The following PABPC4L variants were observed in gnomAD, a reference collection of about 807,000 sequenced individuals.
PABPC4L encodes the protein poly(A) binding protein cytoplasmic 4 like, also known as polyadenylate-binding protein 4-like.
For synonymous variants in PABPC4L, 169 were observed against 164.1 expected, an observed-to-expected ratio of 1.03 and a Z score of -0.23; for missense variants, 452 against 451.4, an observed-to-expected ratio of 1.00 and a Z score of -0.01.
the PABPC4L span, among the ~76,000 whole-genome samples, chr4:134,140,485 C>T: frequency 5.3e-5 from 8 of 151,692 alleles, no homozygotes; most frequent in Middle Eastern, 3.2e-3. Context: ...GCCTTCATAA[C>T]CATTTATACA....
At chr4:134,003,765 A>T in the PABPC4L span, among the ~76,000 whole-genome samples, 1 of 151,904 alleles carries the variant, frequency 6.6e-6, no homozygotes. Flanking sequence ...TCATGGGAGC[A>T]TCAAGAAATC....
chr4:134,133,475 T>C, the PABPC4L span, among the ~76,000 whole-genome samples: 1 of 147,580 alleles, frequency 6.8e-6, no homozygotes, highest in Non-Finnish European at 1.5e-5. Context: ...ATATTTTATA[T>C]ATACACTGTG....
At chr4:134,162,094 T>C in the PABPC4L span, among the ~76,000 whole-genome samples, 68,783 of 151,564 alleles carry the variant, frequency 0.45, 18,068 homozygotes, top group East Asian at 0.98. Context: ...AAAAATAAAA[T>C]GCAAGGAATT....
the PABPC4L span, among the ~76,000 whole-genome samples, chr4:134,042,450 A>T: frequency 2.2e-3 from 342 of 152,312 alleles, 1 homozygote; most frequent in Middle Eastern, 3.4e-3. Context: ...TTAATTTTTT[A>T]AAAAAGTAAT....
At chr4:134,175,481 C>A in the PABPC4L span, among the ~76,000 whole-genome samples, 2 of 151,666 alleles carry the variant, frequency 1.3e-5, no homozygotes, top group African/African-American at 4.9e-5. Context: ...CAGGGTCTCG[C>A]TCTGTCGCCC....
the PABPC4L span, among the ~76,000 whole-genome samples, chr4:134,187,992 TTA>T: frequency 1.3e-5 from 2 of 152,106 alleles, no homozygotes; most frequent in African/African-American, 4.8e-5. Context: ...CCCTCCTTTT[TTA>T]TGTCTTCCAG....
chr4:133,970,801 C>A, the PABPC4L span, among the ~76,000 whole-genome samples: 2 of 152,106 alleles, frequency 1.3e-5, no homozygotes, highest in African/African-American at 2.4e-5. Context: ...AACTCTCTCA[C>A]CCCTTCTGCT....
the PABPC4L span, among the ~76,000 whole-genome samples, chr4:134,156,995 T>C: frequency 6.6e-6 from 1 of 152,042 alleles, no homozygotes; most frequent in Non-Finnish European, 1.5e-5. Context: ...TTAAAATAAC[T>C]TTAAAAATGA....
the PABPC4L span, among the ~76,000 whole-genome samples, chr4:134,168,865 C>T: frequency 2.0e-5 from 3 of 151,974 alleles, no homozygotes; most frequent in Non-Finnish European, 4.4e-5. Flanking sequence ...CAATCCTACT[C>T]AAAAACTATT....
At chr4:134,116,282 T>G in the PABPC4L span, among the ~76,000 whole-genome samples, 1 of 151,816 alleles carries the variant, frequency 6.6e-6, no homozygotes, top group Non-Finnish European at 1.5e-5. Context: ...TCACATTACA[T>G]GTAAGTAAAT....
At chr4:133,981,282 C>T in the PABPC4L span, among the ~76,000 whole-genome samples, 1 of 152,088 alleles carries the variant, frequency 6.6e-6, no homozygotes, top group South Asian at 2.1e-4. Flanking sequence ...TTTTATGTGA[C>T]TTAGTACTGA....
In PABPC4L at chr4:134,200,359, C is replaced by T; in HGVS notation, c.661G>A (p.Val221Met). Reference sequence around the variant, plus strand: ...GATTTCCCACTGGAATCTGTCATCACCTTAACACTCAGAGTTTTGCCATAT... The same window carrying T: ...GATTTCCCACTGGAATCTGTCATCATCTTAACACTCAGAGTTTTGCCATAT... ...SKYGKTLSVK[V>M]MTDSSGKSKG... Residue 221 changes from valine (V) to methionine (M), a missense_variant, in exon 2 of 2, where the codon GTG becomes ATG. Physicochemically the swap from Val to Met is conservative, Grantham distance 21. Transcript: ENST00000421491. 6.3e-7 allele frequency: 1 copy of T among 1,591,952 alleles called. No individual in the cohort carries two copies. The highest frequency in any genetic ancestry group is 8.6e-7 in the Non-Finnish European group (1 of 1,167,742).
At chr4:134,092,557 A>G in the PABPC4L span, among the ~76,000 whole-genome samples, 2 of 152,080 alleles carry the variant, frequency 1.3e-5, no homozygotes, top group Non-Finnish European at 2.9e-5. Flanking sequence ...GAGCTGGTTA[A>G]CACTTAGCCA....
Position 134,198,244 on chromosome 4 carries a change from T to C in PABPC4L, c.*1663A>G, listed in dbSNP as rs1366465737. ...CTATTTTTCTTAAATTACCTAGGTG[T>C]ATATATGTAGAGAGAGAAAAAAATA... On this transcript the variant is annotated 3_prime_UTR_variant, in exon 2 of 2. Transcript: ENST00000421491. 2 of 151,616 alleles carry C rather than the reference T, an allele frequency of 1.3e-5. No individual in the cohort carries two copies. Among genetic ancestry groups the C allele is most frequent in the African/African-American group, 4.8e-5 (2 of 41,412 alleles). 9.4% of individuals were successfully genotyped at this position (151,616 alleles called of 1,614,324 possible).
chr4:134,020,449 G>C, the PABPC4L span, among the ~76,000 whole-genome samples: 8 of 152,132 alleles, frequency 5.3e-5, no homozygotes, highest in Non-Finnish European at 1.0e-4. Context: ...AGGATATCTG[G>C]ACACACCCAG....
At chr4:133,989,082 T>C in the PABPC4L span, among the ~76,000 whole-genome samples, 2 of 151,698 alleles carry the variant, frequency 1.3e-5, no homozygotes, top group Admixed American at 1.3e-4. Flanking sequence ...AGAGCAAGAG[T>C]TCCTGGGCCC....
chr4:133,974,572 A>G, the PABPC4L span, among the ~76,000 whole-genome samples: 25 of 152,180 alleles, frequency 1.6e-4, no homozygotes, highest in Non-Finnish European at 5.9e-5. Flanking sequence ...GATACTATCA[A>G]TTAAGTAAAA....
At chr4:134,101,903 T>G in the PABPC4L span, among the ~76,000 whole-genome samples, 2 of 151,552 alleles carry the variant, frequency 1.3e-5, no homozygotes, top group Non-Finnish European at 3.0e-5. Context: ...AGCATATGTT[T>G]CATTCAACCC....
At chr4:133,996,875 C>T in the PABPC4L span, among the ~76,000 whole-genome samples, 1 of 152,110 alleles carries the variant, frequency 6.6e-6, no homozygotes, top group Non-Finnish European at 1.5e-5. Context: ...TGTCGACCCC[C>T]TAGTAGAGAG....
Sources: gnomAD v4.1 joint callset for allele counts (sites outside exome capture counted in the v4.1 genomes callset) on GRCh38, gnomAD v4.1.1 for gene constraint, MANE v1.5 for transcripts, NCBI Gene and HGNC (gene_info 2026-07-23, HGNC 2026-07-21) for gene names.